The following NLRP5 variants were observed in gnomAD, a reference collection of about 807,000 sequenced individuals.
The protein encoded by NLRP5 is NACHT, LRR and PYD domains-containing protein 5.
NLRP5 carries 93 observed loss-of-function variants against 113.1 expected under a neutral mutation model. That is an observed-to-expected ratio of 0.82 (90% CI 0.70 to 0.98). The LOEUF (loss-of-function observed/expected upper bound fraction) is 0.98. Among genes scored for constraint, NLRP5 ranks in the 50% least tolerant of loss-of-function variants. The pLI, the probability that NLRP5 is intolerant of heterozygous loss-of-function variation, is 0.00. For missense variants in NLRP5, 1,808 were observed against 1,514.3 expected (o/e 1.19, Z -3.22); for synonymous variants, 751 against 600.7 (o/e 1.25, Z -3.66).
At chr19:56,005,184 CACAT>C (rs916954960) in intron 2 of NLRP5, among the ~76,000 whole-genome samples, 5 of 137,126 alleles carry the variant, frequency 3.6e-5, no homozygotes, top group South Asian at 4.5e-4. Flanking sequence ...TATATATACA[CACAT>C]ATTTTTATAT....
upstream of NLRP5, among the ~76,000 whole-genome samples, chr19:55,994,945 G>T (rs1407086078): frequency 6.6e-6 from 1 of 152,166 alleles, no homozygotes; most frequent in Non-Finnish European, 1.5e-5. Flanking sequence ...CAGGGGTCTA[G>T]TTTAATTCTG....
At chr19:56,031,438 G>T (rs1230534982) in intron 7 of NLRP5, among the ~76,000 whole-genome samples, 8 of 151,994 alleles carry the variant, frequency 5.3e-5, no homozygotes. Flanking sequence ...AGACCAGCCT[G>T]GCCAACATGG....
At chr19:56,052,268 T>TGTTTCTGTTTTTGTTTTG (rs1983959862) in intron 12 of NLRP5, among the ~76,000 whole-genome samples, 2 of 152,020 alleles carry the variant, frequency 1.3e-5, no homozygotes, top group Admixed American at 1.3e-4. Flanking sequence ...TTTTTGTTTT[T>TGTTTCTGTTTTTGTTTTG]GTTTCTGTTT....
chr19:55,998,714 G>GTGTGTGTATATATATATATGTGTA (rs796632835), upstream of NLRP5, among the ~76,000 whole-genome samples: 254 of 75,902 alleles, frequency 3.3e-3, 7 homozygotes, highest in East Asian at 0.027. Flanking sequence ...GTGTGTGTGT[G>GTGTGTGTATATATATATATGTGTA]TATATATATA....
chr19:56,005,136 C>T (rs965751861), intron 2 of NLRP5, among the ~76,000 whole-genome samples: 1 of 143,820 alleles, frequency 7.0e-6, no homozygotes, highest in African/African-American at 2.5e-5. Context: ...AATATATACA[C>T]ACACACATAT....
At chr19:56,032,349 A>T (rs554676239) in intron 7 of NLRP5, among the ~76,000 whole-genome samples, 291 of 151,944 alleles carry the variant, frequency 1.9e-3, no homozygotes, top group African/African-American at 5.6e-3. Context: ...CATCTCAAAA[A>T]AAAAAAAAAA....
chr19:56,009,407 G>A (rs17676833), intron 3 of NLRP5, among the ~76,000 whole-genome samples: 48,404 of 146,118 alleles, frequency 0.33, 8,245 homozygotes, highest in Admixed American at 0.39. Context: ...ACTTCCCATC[G>A]TCTTCAGTTT....
intron 1 of NLRP5, among the ~76,000 whole-genome samples, chr19:56,002,111 C>G (rs1260445483): frequency 1.3e-5 from 2 of 152,126 alleles, no homozygotes; most frequent in Non-Finnish European, 2.9e-5. Context: ...GGACGTGCAC[C>G]TATAAAATGA....
At chr19:55,998,055 C>G (rs1161070938), upstream of NLRP5, among the ~76,000 whole-genome samples, 1 of 152,032 alleles carries the variant, frequency 6.6e-6, no homozygotes, top group Non-Finnish European at 1.5e-5. Context: ...TGGTAGCATA[C>G]ACACACACAG....
intron 3 of NLRP5, among the ~76,000 whole-genome samples, chr19:56,010,755 A>AAT (rs78321861): frequency 7.9e-6 from 1 of 125,982 alleles, no homozygotes. Context: ...AAAAAAAAAA[A>AAT]GTCCCTTGAA....
chr19:56,024,845 C>T (rs1982777317), intron 6 of NLRP5, among the ~76,000 whole-genome samples: 1 of 152,066 alleles, frequency 6.6e-6, no homozygotes, highest in Admixed American at 6.6e-5. Context: ...GTCCCCAACC[C>T]CCAGGCCATG....
chr19:56,027,035 G>A lies in NLRP5; in HGVS notation c.802G>A (p.Gly268Ser), dbSNP rs577791638. Residue 268 changes from glycine (G) to serine (S), a missense_variant, in exon 7 of 15, where the codon GGT becomes AGT. By Grantham distance (56) the Gly-to-Ser change is moderately conservative. Coordinates refer to ENST00000390649, the MANE Select transcript of NLRP5 (RefSeq NM_153447.4). ...CTGGCCGGAAATGCAAACGTTGGCT[G>A]GTGCTTTTGATTCAGACCGGTGGGG... The A allele has an allele frequency of 2.1e-5, 32 of 1,552,564 alleles. No homozygotes were observed. Among genetic ancestry groups the A allele is most frequent in the Non-Finnish European group, 2.7e-5 (31 of 1,147,600 alleles).
At chr19:56,040,495 G>C (rs1599902517) in intron 10 of NLRP5, among the ~76,000 whole-genome samples, 1 of 152,092 alleles carries the variant, frequency 6.6e-6, no homozygotes, top group East Asian at 1.9e-4. Context: ...TTGAACCTGA[G>C]AGCAGAGGTT....
At position 56,038,058 on chromosome 19, in the gene NLRP5, C is replaced by T; in HGVS notation, c.2649C>T (p.Tyr883=). Residue 883 remains tyrosine, a synonymous_variant, in exon 10 of 15, where the codon TAC becomes TAT. Coordinates refer to ENST00000390649, the MANE Select transcript of NLRP5 (RefSeq NM_153447.4). Reference sequence around the variant, plus strand: ...GCTGTGGATTGACCCATGCCTGTTACCTGAAGATCTCCCAAATCCTTACGA... The same window carrying T: ...GCTGTGGATTGACCCATGCCTGTTATCTGAAGATCTCCCAAATCCTTACGA... 2 of 1,613,982 alleles carry T rather than the reference C, an allele frequency of 1.2e-6. No individual in the cohort carries two copies.
chr19:56,029,391 C>G (rs894416847), intron 7 of NLRP5, among the ~76,000 whole-genome samples: 2 of 152,074 alleles, frequency 1.3e-5, no homozygotes, highest in African/African-American at 4.8e-5. Context: ...CTCAGCCTCT[C>G]AAGTAGCTGG....
the NLRP5 span, among the ~76,000 whole-genome samples, chr19:55,993,412 C>T: frequency 3.4e-5 from 1 of 29,604 alleles, no homozygotes; most frequent in African/African-American, 2.0e-4. Flanking sequence ...CTCTCCCCCT[C>T]CTCTCCCCCT....
At chr19:55,998,419 C>T (rs952084332), upstream of NLRP5, among the ~76,000 whole-genome samples, 41 of 151,888 alleles carry the variant, frequency 2.7e-4, 1 homozygote, top group South Asian at 4.1e-4. Context: ...TTTGGGAGGC[C>T]GAGGCGGGTG....
chr19:56,044,009 G>GT (rs148712289), intron 11 of NLRP5, among the ~76,000 whole-genome samples: 28,704 of 150,752 alleles, frequency 0.19, 2,817 homozygotes, highest in Middle Eastern at 0.28. Flanking sequence ...GTCTCGAAGG[G>GT]TTTTTCCCAT....
chr19:56,053,449 C>A (rs994680312), intron 12 of NLRP5, among the ~76,000 whole-genome samples, 189 bp from the exon 13 acceptor site: 1 of 152,134 alleles, frequency 6.6e-6, no homozygotes, highest in African/African-American at 2.4e-5. Flanking sequence ...AGACACTTTC[C>A]CCGCCTCCGC....
Sources: gnomAD v4.1 joint callset for allele counts (sites outside exome capture counted in the v4.1 genomes callset) on GRCh38, gnomAD v4.1.1 for gene constraint, MANE v1.5 for transcripts, NCBI Gene and HGNC (gene_info 2026-07-23, HGNC 2026-07-21) for gene names.